PDGFC: variants seen among roughly 807,000 people sequenced by gnomAD.
PDGFC encodes platelet-derived growth factor C.
A neutral mutation model predicts 35.5 loss-of-function variants in PDGFC; 12 were observed. The ratio of observed to expected loss-of-function variants is 0.34; its 90% confidence interval spans 0.22 to 0.55. The LOEUF (loss-of-function observed/expected upper bound fraction) is 0.55. PDGFC is among the 20% of genes least tolerant of loss of function. The pLI, the probability that PDGFC is intolerant of heterozygous loss-of-function variation, is 0.91. For synonymous variants in PDGFC, 159 were observed against 148.8 expected, an observed-to-expected ratio of 1.07 and a Z score of -0.50; for missense variants, 322 against 412.4, an observed-to-expected ratio of 0.78 and a Z score of 1.90.
chr4:156,838,018 G>T (rs2111044392), intron 2 of PDGFC, among the ~76,000 whole-genome samples: 1 of 151,858 alleles, frequency 6.6e-6, no homozygotes, highest in East Asian at 1.9e-4. Context: ...CAGAGTCAAA[G>T]GACAACAAAG....
intron 3 of PDGFC, among the ~76,000 whole-genome samples, chr4:156,777,976 C>T (rs780004966): frequency 3.9e-5 from 6 of 152,022 alleles, no homozygotes; most frequent in Admixed American, 6.6e-5. Flanking sequence ...ATGTTGGCCA[C>T]GCTTATAATC....
intron 1 of PDGFC, among the ~76,000 whole-genome samples, chr4:156,853,253 C>T (rs1455599680): frequency 6.6e-6 from 1 of 152,108 alleles, no homozygotes; most frequent in African/African-American, 2.4e-5. Context: ...AATATGTTAA[C>T]ATTATTTCAC....
At chr4:156,961,817 C>T (rs558343391) in intron 1 of PDGFC, among the ~76,000 whole-genome samples, 9 of 152,224 alleles carry the variant, frequency 5.9e-5, no homozygotes, top group East Asian at 1.9e-4. Context: ...TCATTCTGCA[C>T]GCCATCCGTT....
intron 1 of PDGFC, among the ~76,000 whole-genome samples, chr4:156,865,755 T>C (rs1579064524): frequency 6.6e-6 from 1 of 152,224 alleles, no homozygotes; most frequent in African/African-American, 2.4e-5. Context: ...TGCTTCCTTC[T>C]CTGGCAACAG....
intron 2 of PDGFC, among the ~76,000 whole-genome samples, chr4:156,833,138 T>C (rs1235902927): frequency 6.6e-6 from 1 of 152,238 alleles, no homozygotes; most frequent in East Asian, 1.9e-4. Flanking sequence ...AGGCTGTACA[T>C]TTCTGTTCAG....
At chr4:156,958,368 A>G (rs1474063690) in intron 1 of PDGFC, among the ~76,000 whole-genome samples, 1 of 151,828 alleles carries the variant, frequency 6.6e-6, no homozygotes, top group East Asian at 1.9e-4. Context: ...CACAGAAACT[A>G]TAATATCCAC....
chr4:156,943,445 G>A (rs927316443), intron 1 of PDGFC, among the ~76,000 whole-genome samples: 1 of 151,984 alleles, frequency 6.6e-6, no homozygotes, highest in Non-Finnish European at 1.5e-5. Flanking sequence ...GGCCCCACCC[G>A]CAAGCCTACT....
intron 1 of PDGFC, among the ~76,000 whole-genome samples, chr4:156,879,617 C>A (rs1730195055): frequency 1.3e-5 from 2 of 152,146 alleles, no homozygotes; most frequent in South Asian, 2.1e-4. Flanking sequence ...AACAATGGGT[C>A]ATTTACTCCA....
chr4:156,922,437 T>C (rs1312469597), intron 1 of PDGFC, among the ~76,000 whole-genome samples: 1 of 152,176 alleles, frequency 6.6e-6, no homozygotes. Flanking sequence ...TTTAATATAC[T>C]ATAAATATTA....
chr4:156,971,427 A>G lies in PDGFC; in HGVS notation c.-524T>C. On this transcript the variant is annotated 5_prime_UTR_variant, in exon 1 of 6. Coordinates refer to ENST00000502773, the MANE Select transcript of PDGFC (RefSeq NM_016205.3). ...TCCCCCGCCCCACCCCCCACCCCCG[A>G]AGGGGGAGGGGGAAGAAACAAGGCG... The G allele has an allele frequency of 3.0e-6, 1 of 329,562 alleles. No homozygotes were observed. The allele number at this position is 329,562 out of a possible 1,614,324, so 20.4% of individuals were successfully genotyped here. A position where few individuals can be genotyped will look rare whatever the true frequency, so the allele number is the denominator to read the frequency against.
At chr4:156,807,964 T>C (rs1302008598) in intron 3 of PDGFC, among the ~76,000 whole-genome samples, 1 of 152,040 alleles carries the variant, frequency 6.6e-6, no homozygotes, top group Non-Finnish European at 1.5e-5. Flanking sequence ...TCAGTGGATG[T>C]CCCACTAATT....
chr4:156,895,170 C>T (rs1730601836), intron 1 of PDGFC, among the ~76,000 whole-genome samples: 1 of 152,092 alleles, frequency 6.6e-6, no homozygotes. Context: ...TAAATGGGAG[C>T]TATACTATTA....
At chr4:156,918,606 AC>A (rs1731203406) in intron 1 of PDGFC, among the ~76,000 whole-genome samples, 1 of 152,072 alleles carries the variant, frequency 6.6e-6, no homozygotes, top group East Asian at 1.9e-4. Context: ...AGGAACACGG[AC>A]CCTATTGTAA....
At chr4:156,914,528 A>G (rs898519206) in intron 1 of PDGFC, among the ~76,000 whole-genome samples, 3 of 152,204 alleles carry the variant, frequency 2.0e-5, no homozygotes, top group African/African-American at 7.2e-5. Flanking sequence ...GCTATTGCCA[A>G]AGTTATCACT....
intron 1 of PDGFC, among the ~76,000 whole-genome samples, chr4:156,927,142 G>A (rs543711920): frequency 1.1e-3 from 164 of 152,218 alleles, no homozygotes; most frequent in African/African-American, 3.8e-3. Context: ...GCAGTGGCCC[G>A]AGTGGCTGGA....
At chr4:156,968,878 A>AC (rs1488706297) in intron 1 of PDGFC, among the ~76,000 whole-genome samples, 7 of 152,186 alleles carry the variant, frequency 4.6e-5, no homozygotes, top group Admixed American at 4.6e-4. Context: ...CTCAGATGGC[A>AC]ACAGAATGTG....
At chr4:156,856,112 T>C (rs955502190) in intron 1 of PDGFC, among the ~76,000 whole-genome samples, 3 of 152,146 alleles carry the variant, frequency 2.0e-5, no homozygotes, top group African/African-American at 7.2e-5. Context: ...TCATTTCCCA[T>C]ATCTTTAAGA....
At chr4:156,829,708 A>G (rs546534699) in intron 2 of PDGFC, among the ~76,000 whole-genome samples, 3 of 151,992 alleles carry the variant, frequency 2.0e-5, no homozygotes, top group Admixed American at 6.6e-5. Context: ...TACAGATGTT[A>G]TTTCTTAGAT....
intron 2 of PDGFC, among the ~76,000 whole-genome samples, chr4:156,826,378 T>G (rs1442109348): frequency 6.6e-6 from 1 of 151,692 alleles, no homozygotes; most frequent in African/African-American, 2.4e-5. Flanking sequence ...AATTTTTGTA[T>G]TTTTAGTAGA....
Sources: gnomAD v4.1 joint callset for allele counts (sites outside exome capture counted in the v4.1 genomes callset) on GRCh38, gnomAD v4.1.1 for gene constraint, MANE v1.5 for transcripts, NCBI Gene and HGNC (gene_info 2026-07-23, HGNC 2026-07-21) for gene names.